DTNA: variants seen among roughly 807,000 people sequenced by gnomAD.
DTNA encodes the protein dystrobrevin alpha.
Under a neutral mutation model 100.7 loss-of-function variants are expected in DTNA, and 43 were observed. The ratio of observed to expected loss-of-function variants is 0.43; its 90% CI spans 0.33 to 0.55. DTNA has a LOEUF of 0.55. DTNA is among the 20% of genes least tolerant of loss of function. The pLI is 0.04. For synonymous variants in DTNA, 349 were observed against 347.9 expected (o/e 1.00, Z -0.04); for missense variants, 798 against 953.9 (o/e 0.84, Z 2.15).
At chr18:34,622,606 T>A (rs2056705674) in intron 1 of DTNA, among the ~76,000 whole-genome samples, 1 of 152,208 alleles carries the variant, frequency 6.6e-6, no homozygotes, top group South Asian at 2.1e-4. Context: ...TTCCGTGCAA[T>A]CTGCTGGCAG....
intron 1 of DTNA, among the ~76,000 whole-genome samples, chr18:34,617,537 T>A (rs913693347): frequency 6.6e-6 from 1 of 152,188 alleles, no homozygotes; most frequent in African/African-American, 2.4e-5. Context: ...AGTATTTCCT[T>A]GAGGATTTTT....
intron 1 of DTNA, among the ~76,000 whole-genome samples, chr18:34,672,018 C>G (rs2076825983): frequency 6.6e-6 from 1 of 152,142 alleles, no homozygotes; most frequent in African/African-American, 2.4e-5. Flanking sequence ...TTTACTTAAC[C>G]TGCAAAATTC....
At chr18:34,795,457 A>C (rs2094929378) in intron 4 of DTNA, among the ~76,000 whole-genome samples, 1 of 152,208 alleles carries the variant, frequency 6.6e-6, no homozygotes, top group African/African-American at 2.4e-5. Flanking sequence ...TCAGAACGAG[A>C]TGTACAGCTC....
chr18:34,890,587 A>T lies in DTNA; in HGVS notation c.*2853A>T. 8.2e-7 allele frequency: 1 copy of T among 1,224,082 alleles called. No individual in the cohort carries two copies. The highest frequency in any genetic ancestry group is 1.6e-5 in the South Asian group (1 of 63,408). 75.8% of individuals were successfully genotyped at this position (1,224,082 alleles called of 1,614,324 possible). ...TAATAAGCACTGGTCTAACACAGCCAACCCTCCTCCACAGCGCCATATTAA... is the reference window on the plus strand; with the variant it reads ...TAATAAGCACTGGTCTAACACAGCCTACCCTCCTCCACAGCGCCATATTAA... On this transcript the variant is annotated 3_prime_UTR_variant, in exon 23 of 23. Coordinates refer to ENST00000444659, the MANE Select transcript of DTNA (RefSeq NM_001386795.1).
intron 1 of DTNA, among the ~76,000 whole-genome samples, chr18:34,608,546 A>G (rs926873490): frequency 6.6e-6 from 1 of 151,780 alleles, no homozygotes; most frequent in African/African-American, 2.4e-5. Flanking sequence ...AGGCAGTGCA[A>G]TGGTGAGAAC....
intron 1 of DTNA, among the ~76,000 whole-genome samples, chr18:34,520,153 G>T (rs954611778): frequency 1.3e-5 from 2 of 152,136 alleles, no homozygotes; most frequent in Non-Finnish European, 2.9e-5. Context: ...TGATATAAAA[G>T]ACAATCATGA....
intron 1 of DTNA, among the ~76,000 whole-genome samples, chr18:34,733,028 C>T (rs147697012): frequency 1.0e-3 from 152 of 152,284 alleles, no homozygotes; most frequent in African/African-American, 3.5e-3. Context: ...GTTTTGGGTC[C>T]CCTGCAATCA....
At chr18:34,862,030 T>G (rs1355540470) in intron 16 of DTNA, among the ~76,000 whole-genome samples, 2 of 148,768 alleles carry the variant, frequency 1.3e-5, no homozygotes, top group African/African-American at 5.0e-5. Flanking sequence ...CAGAACAGTA[T>G]CAAGAAGAGA....
chr18:34,796,538 G>T (rs555724958), intron 4 of DTNA, among the ~76,000 whole-genome samples: 2 of 152,256 alleles, frequency 1.3e-5, no homozygotes, highest in Admixed American at 1.3e-4. Context: ...ATGTGCTGTT[G>T]CTATTACAGA....
At chr18:34,745,029 G>A (rs1248119813) in intron 1 of DTNA, among the ~76,000 whole-genome samples, 1 of 152,078 alleles carries the variant, frequency 6.6e-6, no homozygotes, top group East Asian at 1.9e-4. Context: ...ACCTTATGGT[G>A]TTCTTACAAG....
At chr18:34,728,910 G>A (rs1422603409) in intron 1 of DTNA, among the ~76,000 whole-genome samples, 2 of 152,114 alleles carry the variant, frequency 1.3e-5, no homozygotes, top group Non-Finnish European at 2.9e-5. Context: ...GCCTGGCTTG[G>A]GGTGTGTGTA....
chr18:34,881,056 G>A (rs1018427177), intron 20 of DTNA, among the ~76,000 whole-genome samples: 3 of 152,178 alleles, frequency 2.0e-5, no homozygotes, highest in Non-Finnish European at 4.4e-5. Flanking sequence ...CTACCAACAT[G>A]TGACTCAGGA....
intron 1 of DTNA, among the ~76,000 whole-genome samples, chr18:34,502,591 T>A (rs1241702772): frequency 1.3e-5 from 2 of 152,244 alleles, no homozygotes; most frequent in Non-Finnish European, 2.9e-5. Flanking sequence ...ATTTTTAAAT[T>A]TCCTTGAGAT....
chr18:34,718,808 T>C (rs1048937766), intron 1 of DTNA, among the ~76,000 whole-genome samples: 3 of 152,104 alleles, frequency 2.0e-5, no homozygotes, highest in Non-Finnish European at 4.4e-5. Flanking sequence ...ATAGCAGCCA[T>C]TTGGGCAATG....
Position 34,714,234 on chromosome 18 carries a change from G to T in DTNA, c.-2+3789G>T, listed in dbSNP as rs542675195. On this transcript the variant is annotated intron_variant, in intron 1 of 22. Coordinates refer to ENST00000444659, the MANE Select transcript of DTNA (RefSeq NM_001386795.1). The stretch of plus-strand genomic sequence containing the variant: ...AACAAAAGACAAAATTGACAAATGG[G>T]ATCTAATTAAACTAAAGAGCTTCTC... 7.4e-3 allele frequency among the ~76,000 whole-genome samples: 1,111 copies of T among 150,712 alleles called. 7 individuals are homozygous for T. Among genetic ancestry groups the T allele is most frequent in the African/African-American group, 0.025 (1,038 of 40,966 alleles).
chr18:34,811,358 C>G (rs1457106310), intron 5 of DTNA, among the ~76,000 whole-genome samples: 1 of 152,138 alleles, frequency 6.6e-6, no homozygotes, highest in African/African-American at 2.4e-5. Context: ...AAAACCCTTC[C>G]CTGTAAATCA....
intron 17 of DTNA, chr18:34,866,417 T>C: frequency 7.6e-7 from 1 of 1,313,884 alleles, no homozygotes; most frequent in Non-Finnish European, 9.7e-7. Flanking sequence ...CCCAGAGGTA[T>C]AAGTTTCAAA....
chr18:34,714,247 T>A (rs1481630363), intron 1 of DTNA, among the ~76,000 whole-genome samples: 1 of 149,750 alleles, frequency 6.7e-6, no homozygotes, highest in Non-Finnish European at 1.5e-5. Flanking sequence ...CTAATTAAAC[T>A]AAAGAGCTTC....
intron 1 of DTNA, among the ~76,000 whole-genome samples, chr18:34,710,798 T>A (rs1366411127): frequency 6.6e-6 from 1 of 152,132 alleles, no homozygotes; most frequent in Non-Finnish European, 1.5e-5. Flanking sequence ...TCTTGTTTTG[T>A]TTTTTGAAAA....
Sources: allele counts gnomAD v4.1 joint callset (sites outside exome capture counted in the v4.1 genomes callset), GRCh38; gene constraint gnomAD v4.1.1; transcripts MANE v1.5; gene names NCBI Gene and HGNC (gene_info 2026-07-23, HGNC 2026-07-21).